Variants in TIAM2 observed in about 807,000 individuals in gnomAD.
TIAM2 encodes TIAM Rac1 associated GEF 2.
TIAM2 carries 80 observed loss-of-function variants against 152.9 expected under a neutral mutation model. That is an observed-to-expected ratio of 0.52 (90% CI 0.44 to 0.63). The LOEUF is 0.63. TIAM2 is among the 30% of genes least tolerant of loss of function. The pLI is 0.00. For missense variants in TIAM2, 1,965 were observed against 2,120.1 expected, an observed-to-expected ratio of 0.93 and a Z score of 1.44; for synonymous variants, 804 against 838.0, an observed-to-expected ratio of 0.96 and a Z score of 0.70.
chr6:155,233,776 T>C (rs1478487556), intron 15 of TIAM2, among the ~76,000 whole-genome samples: 2 of 151,858 alleles, frequency 1.3e-5, no homozygotes, highest in African/African-American at 2.4e-5. Context: ...CTGGGCAACA[T>C]AGTGAGACCC....
intron 14 of TIAM2, among the ~76,000 whole-genome samples, chr6:155,205,563 TCTTGCCTAGTCTCTTGCTGC>T (rs1781577415): frequency 6.6e-6 from 1 of 152,180 alleles, no homozygotes; most frequent in South Asian, 2.1e-4. Context: ...CAAAGAACTT[TCTTGCCTAGTCTCTTGCTGC>T]CTGGTTGAGT....
At chr6:155,067,701 C>T (rs776950658) in intron 1 of TIAM2, among the ~76,000 whole-genome samples, 16 of 152,074 alleles carry the variant, frequency 1.1e-4, no homozygotes, top group Non-Finnish European at 2.2e-4. Context: ...AATGCAGTGT[C>T]GTCATCATGG....
At chr6:155,134,898 G>A (rs1779524533) in intron 4 of TIAM2, among the ~76,000 whole-genome samples, 1 of 151,934 alleles carries the variant, frequency 6.6e-6, no homozygotes, top group African/African-American at 2.4e-5. Context: ...GTAGAGACGG[G>A]GTTTCACCGT....
At chr6:155,015,893 C>T (rs1197748792) in intron 1 of TIAM2, among the ~76,000 whole-genome samples, 2 of 140,026 alleles carry the variant, frequency 1.4e-5, no homozygotes, top group African/African-American at 2.6e-5. Context: ...GCCAAGATGG[C>T]ACCACTACAC....
chr6:155,058,973 T>C (rs1400600750), intron 1 of TIAM2, among the ~76,000 whole-genome samples: 1 of 152,224 alleles, frequency 6.6e-6, no homozygotes, highest in Non-Finnish European at 1.5e-5. Context: ...AGAAGGCATC[T>C]GCCCTGTAAT....
chr6:155,109,842 C>T (rs1003205684), intron 2 of TIAM2, among the ~76,000 whole-genome samples: 4 of 151,928 alleles, frequency 2.6e-5, no homozygotes, highest in African/African-American at 9.7e-5. Context: ...CTACCTGTTC[C>T]TTAATTGAGG....
chr6:154,999,897 T>G (rs1296504588), intron 1 of TIAM2, among the ~76,000 whole-genome samples: 2 of 151,774 alleles, frequency 1.3e-5, no homozygotes, highest in Non-Finnish European at 1.5e-5. Flanking sequence ...CAGGTTGGTC[T>G]TGAACTCCTG....
intron 12 of TIAM2, among the ~76,000 whole-genome samples, chr6:155,180,849 T>G (rs2115138936): frequency 6.6e-6 from 1 of 152,274 alleles, no homozygotes; most frequent in Admixed American, 6.5e-5. Context: ...ACTCAAGTGA[T>G]CCGCCCACCT....
chr6:155,020,237 A>G (rs1393723175), intron 1 of TIAM2, among the ~76,000 whole-genome samples: 1 of 152,140 alleles, frequency 6.6e-6, no homozygotes, highest in Non-Finnish European at 1.5e-5. Context: ...GGACCCTCTA[A>G]AGAAACCTGT....
At chr6:155,177,999 A>C (rs1166256750) in intron 10 of TIAM2, among the ~76,000 whole-genome samples, 2 of 151,934 alleles carry the variant, frequency 1.3e-5, no homozygotes, top group African/African-American at 4.8e-5. Context: ...GTCTCTACTA[A>C]AAATACAAAA....
chr6:155,173,169 T>TTGTGTG (rs60356205), intron 9 of TIAM2, among the ~76,000 whole-genome samples: 46 of 146,858 alleles, frequency 3.1e-4, no homozygotes, highest in South Asian at 8.9e-4. Context: ...TTTGTGAGGG[T>TTGTGTG]TGTGTGTGTG....
At chr6:155,018,933 G>T in intron 1 of TIAM2, among the ~76,000 whole-genome samples, 1 of 148,200 alleles carries the variant, frequency 6.7e-6, no homozygotes, top group Non-Finnish European at 1.5e-5. Context: ...CCAGCTACTT[G>T]GGAGGCTGAG....
chr6:155,035,191 GT>G (rs72560664), intron 1 of TIAM2, among the ~76,000 whole-genome samples: 39 of 149,912 alleles, frequency 2.6e-4, no homozygotes, highest in African/African-American at 9.1e-4. Flanking sequence ...TTGTTTTGCT[GT>G]TTTTTTTATT....
Position 155,183,361 on chromosome 6 carries a change from G to C in TIAM2, c.2925G>C (p.Pro975=), listed in dbSNP as rs145603552. ...SVGLTLIARP[P]DTKATLCTSW... ...GACTCACTCTGATTGCCCGGCCTCCGGACACAAAAGCAACCCTGTGTACAT... is the reference window on the plus strand; with the variant it reads ...GACTCACTCTGATTGCCCGGCCTCCCGACACAAAAGCAACCCTGTGTACAT... The change falls in exon 14 of 27, where the codon CCG becomes CCC. Residue 975 remains proline, a synonymous_variant. Coordinates refer to ENST00000682666, the MANE Select transcript of TIAM2 (RefSeq NM_012454.4). The C allele has an allele frequency of 5.1e-3, 8,212 of 1,612,852 alleles. 33 individuals are homozygous for C. The highest frequency in any genetic ancestry group is 5.7e-3 in the Non-Finnish European group (6,695 of 1,179,620).
intron 1 of TIAM2, among the ~76,000 whole-genome samples, chr6:155,076,381 TA>T (rs1207091541): frequency 6.6e-6 from 1 of 152,168 alleles, no homozygotes; most frequent in East Asian, 1.9e-4. Flanking sequence ...CCTTACGAAA[TA>T]ATAGGTAATA....
At chr6:155,168,221 T>C (rs1780491646) in intron 9 of TIAM2, among the ~76,000 whole-genome samples, 1 of 152,176 alleles carries the variant, frequency 6.6e-6, no homozygotes, top group Non-Finnish European at 1.5e-5. Flanking sequence ...ACTTTTAACA[T>C]TTAGCTATAT....
At chr6:155,245,803 T>C in intron 19 of TIAM2, 72 bp downstream of exon 19, 1 of 1,052,762 alleles carries the variant, frequency 9.5e-7, no homozygotes, top group East Asian at 2.4e-5. Context: ...GGTAAATCTG[T>C]ATTTAACAAG....
chr6:155,029,387 A>T lies in TIAM2; in HGVS notation c.-209+33895A>T, dbSNP rs568611490. On this transcript the variant is annotated intron_variant, in intron 1 of 26. Coordinates refer to ENST00000682666, the MANE Select transcript of TIAM2 (RefSeq NM_012454.4). ...TAATATATACTATATATACTATGTT[A>T]TATATATACTATAGTATATATAATA... 2.2e-3 allele frequency among the ~76,000 whole-genome samples: 213 copies of T among 96,898 alleles called. 1 individual carries two copies. The highest frequency in any genetic ancestry group is 3.6e-3 in the Non-Finnish European group (181 of 49,860). The allele number at this position is 96,898 out of a possible 152,430, so 63.6% of individuals were successfully genotyped here. A position where few individuals can be genotyped will look rare whatever the true frequency, so the allele number is the denominator to read the frequency against.
chr6:155,144,555 C>T, intron 5 of TIAM2, 51 bp from the exon 6 acceptor site: 1 of 1,441,606 alleles, frequency 6.9e-7, no homozygotes, highest in Non-Finnish European at 9.1e-7. Flanking sequence ...CCAGTCCTTT[C>T]CTGCATCTCC....
Sources: gnomAD v4.1 joint callset for allele counts (sites outside exome capture counted in the v4.1 genomes callset) on GRCh38, gnomAD v4.1.1 for gene constraint, MANE v1.5 for transcripts, NCBI Gene and HGNC (gene_info 2026-07-23, HGNC 2026-07-21) for gene names.